TRIM33: variants seen among roughly 807,000 people sequenced by gnomAD.
The protein encoded by TRIM33 is E3 ubiquitin-protein ligase TRIM33.
TRIM33 carries 20 observed loss-of-function variants against 125.4 expected under a neutral mutation model. The ratio of observed to expected loss-of-function variants is 0.16; its 90% CI spans 0.11 to 0.23. The LOEUF (loss-of-function observed/expected upper bound fraction) is 0.23. Among genes scored for constraint, TRIM33 ranks in the 10% least tolerant of loss-of-function variants. The pLI, the probability that TRIM33 is intolerant of heterozygous loss-of-function variation, is 1.00. For missense variants in TRIM33, 920 were observed against 1,411.4 expected (o/e 0.65, Z 5.58); for synonymous variants, 564 against 513.9 (o/e 1.10, Z -1.32).
intron 4 of TRIM33, among the ~76,000 whole-genome samples, chr1:114,441,763 G>A (rs976041912): frequency 1.3e-5 from 2 of 152,110 alleles, no homozygotes; most frequent in Non-Finnish European, 2.9e-5. Flanking sequence ...TGAAACTAAC[G>A]ACTCTGAATG....
intron 1 of TRIM33, among the ~76,000 whole-genome samples, chr1:114,497,519 T>C (rs1570671810): frequency 6.6e-6 from 1 of 152,178 alleles, no homozygotes; most frequent in East Asian, 1.9e-4. Context: ...GAGGCTTGTC[T>C]CCAACTCCTG....
intron 5 of TRIM33, among the ~76,000 whole-genome samples, chr1:114,432,853 C>T (rs957215515): frequency 3.9e-5 from 6 of 151,932 alleles, no homozygotes; most frequent in African/African-American, 1.2e-4. Context: ...TTATTTAATA[C>T]TTTTGAGCAT....
At chr1:114,449,161 T>C (rs1649167212) in intron 4 of TRIM33, among the ~76,000 whole-genome samples, 1 of 146,372 alleles carries the variant, frequency 6.8e-6, no homozygotes, top group South Asian at 2.2e-4. Flanking sequence ...GAAAGAATGG[T>C]CTAAAAAAAA....
intron 10 of TRIM33, among the ~76,000 whole-genome samples, chr1:114,422,067 C>G (rs1017797830): frequency 1.3e-5 from 2 of 152,134 alleles, no homozygotes; most frequent in African/African-American, 2.4e-5. Flanking sequence ...AGAAAAATGG[C>G]AGCAAGTCCT....
Position 114,424,608 on chromosome 1 carries a change from G to A in TRIM33, c.1843C>T (p.Pro615Ser). The change falls in exon 10 of 20, where the codon CCA becomes TCA. Residue 615 changes from proline (P) to serine (S), a missense_variant. Coordinates refer to ENST00000358465, the MANE Select transcript of TRIM33 (RefSeq NM_015906.4). ...AGGCATACTTGTCTTTGGAGGTGTG[G>A]CTGCATCATGGAATATTGAGGGCCG... is the stretch of plus-strand genomic sequence containing the variant. ...HSGPQYSMMQ[P>S]HLQRQHSNPG... 1 of 1,592,982 alleles carries A rather than the reference G, an allele frequency of 6.3e-7. No homozygotes were observed. The highest frequency in any genetic ancestry group is 8.5e-7 in the Non-Finnish European group (1 of 1,172,436).
chr1:114,453,225 G>A (rs761489375), intron 4 of TRIM33, among the ~76,000 whole-genome samples: 3 of 151,830 alleles, frequency 2.0e-5, no homozygotes, highest in East Asian at 1.9e-4. Context: ...TTAGCCAGGC[G>A]TGGTGATGTC....
intron 11 of TRIM33, among the ~76,000 whole-genome samples, chr1:114,411,562 C>T (rs573770571): frequency 6.6e-6 from 1 of 152,202 alleles, no homozygotes; most frequent in Admixed American, 6.5e-5. Flanking sequence ...AATGGGGATG[C>T]ATCCCACCTA....
At chr1:114,464,869 G>A (rs918599991) in intron 1 of TRIM33, among the ~76,000 whole-genome samples, 20 of 152,126 alleles carry the variant, frequency 1.3e-4, no homozygotes, top group Admixed American at 8.5e-4. Flanking sequence ...CTTTATAGAT[G>A]AAGGAAGAAG....
At position 114,424,639 on chromosome 1, in the gene TRIM33, C is replaced by T; in HGVS notation, c.1812G>A (p.Arg604=). The change falls in exon 10 of 20, where the codon AGG becomes AGA. Residue 604 remains arginine (R), a synonymous_variant. Transcript: ENST00000358465. ...TCATGGAATATTGAGGGCCGCTGTG[C>T]CTGGGTATCCCTGGTATTCTGGCAG... The part of the protein sequence containing the change: ...QNAARIPGIP[R]HSGPQYSMMQ... 6.2e-7 allele frequency: 1 copy of T among 1,610,240 alleles called. No individual in the cohort carries two copies. The highest frequency in any genetic ancestry group is 8.5e-7 in the Non-Finnish European group (1 of 1,178,172).
At chr1:114,438,168 T>G (rs1012578981) in intron 4 of TRIM33, among the ~76,000 whole-genome samples, 5 of 152,200 alleles carry the variant, frequency 3.3e-5, no homozygotes, top group African/African-American at 1.2e-4. Flanking sequence ...GCCCTACTAC[T>G]CTACTTGCCA....
chr1:114,489,867 C>T (rs1651944243), intron 1 of TRIM33, among the ~76,000 whole-genome samples: 1 of 151,738 alleles, frequency 6.6e-6, no homozygotes, highest in Non-Finnish European at 1.5e-5. Context: ...TTTTTCCACA[C>T]ACAAAAAACT....
rs116766647 is a variant in TRIM33 at position 114,401,499 on chromosome 1, T to C, written c.2893-36A>G. 1.2e-3 allele frequency: 1,801 copies of C among 1,562,288 alleles called. 29 individuals are homozygous for C. The African/African-American group carries it at 0.022, about 19-fold the overall frequency. On this transcript the variant is annotated intron_variant, in intron 16 of 19. Coordinates refer to ENST00000358465, the MANE Select transcript of TRIM33 (RefSeq NM_015906.4). ...CAAGGAAAGGAAAGCACATGAAATA[T>C]TTTTCTCCTAATAAAACATTCTCGA...
chr1:114,489,998 C>T (rs1488770266), intron 1 of TRIM33, among the ~76,000 whole-genome samples: 2 of 149,984 alleles, frequency 1.3e-5, no homozygotes, highest in Non-Finnish European at 3.0e-5. Context: ...CACCTGTAAT[C>T]CCAGCACTTT....
intron 4 of TRIM33, among the ~76,000 whole-genome samples, chr1:114,445,384 A>G (rs1461913239): frequency 6.6e-6 from 1 of 151,842 alleles, no homozygotes; most frequent in Non-Finnish European, 1.5e-5. Context: ...ACTACAAGCA[A>G]GCACTGCCAT....
chr1:114,501,431 T>C (rs1346208758), intron 1 of TRIM33, among the ~76,000 whole-genome samples: 1 of 152,104 alleles, frequency 6.6e-6, no homozygotes, highest in African/African-American at 2.4e-5. Flanking sequence ...ACTACTAGAG[T>C]ATCTTTCACA....
At position 114,421,552 on chromosome 1, in the gene TRIM33, T is replaced by C. The variant is rs1653284755; in HGVS notation, c.1945A>G (p.Thr649Ala). ...GGACCTCGGTTTGCATTTGCCATAG[T>C]TGCTGTAGTAGGGCTCGTTGGGTTG... Reference protein sequence around the residue: ...TINPTSPTTATMANANRGPTS... With the variant: ...TINPTSPTTAAMANANRGPTS... The change falls in exon 11 of 20, where the codon ACT becomes GCT. Residue 649 changes from threonine to alanine, a missense_variant. Transcript: ENST00000358465. The C allele has an allele frequency of 6.2e-7, 1 of 1,614,154 alleles. No individual in the cohort carries two copies. The highest frequency in any genetic ancestry group is 2.2e-5 in the East Asian group (1 of 44,878).
At chr1:114,427,651 G>T in intron 7 of TRIM33, 97 bp downstream of exon 7, 1 of 1,308,452 alleles carries the variant, frequency 7.6e-7, no homozygotes, top group Non-Finnish European at 1.0e-6. Context: ...GGTTACATTT[G>T]CCAAAATTAA....
chr1:114,501,880 G>A (rs1248540216), intron 1 of TRIM33, among the ~76,000 whole-genome samples: 1 of 152,006 alleles, frequency 6.6e-6, no homozygotes, highest in Non-Finnish European at 1.5e-5. Flanking sequence ...CTCATCACTG[G>A]GGCATAGGCT....
chr1:114,485,816 G>A (rs977645236), intron 1 of TRIM33, among the ~76,000 whole-genome samples: 3 of 152,114 alleles, frequency 2.0e-5, no homozygotes, highest in African/African-American at 4.8e-5. Context: ...CTCAGAATGT[G>A]ATATCCAAAA....
Sources: gnomAD v4.1 joint callset for allele counts (sites outside exome capture counted in the v4.1 genomes callset) on GRCh38, gnomAD v4.1.1 for gene constraint, MANE v1.5 for transcripts, NCBI Gene and HGNC (gene_info 2026-07-23, HGNC 2026-07-21) for gene names.